The following EIF2S2 variants were observed in gnomAD, a reference collection of about 807,000 sequenced individuals.
EIF2S2 encodes the protein eukaryotic translation initiation factor 2 subunit 2.
Under a neutral mutation model 44.0 loss-of-function variants are expected in EIF2S2, and 4 were observed. The observed-to-expected ratio is 0.09, with a 90% confidence interval of 0.04 to 0.21. The LOEUF is 0.21. Ranked by LOEUF, EIF2S2 falls within the 10% of genes least tolerant of loss-of-function variation. The pLI is 1.00. For synonymous variants in EIF2S2, 108 were observed against 128.3 expected (o/e 0.84, Z 1.07); for missense variants, 154 against 392.0 (o/e 0.39, Z 5.13).
intron 1 of EIF2S2, 111 bp downstream of exon 1, chr20:34,111,985 G>T: frequency 8.3e-7 from 1 of 1,209,150 alleles, no homozygotes; most frequent in South Asian, 3.0e-5. Context: ...AGGCGCGGCT[G>T]CCTCACATGG....
intron 2 of EIF2S2, among the ~76,000 whole-genome samples, chr20:34,104,435 C>A (rs982759043): frequency 6.6e-6 from 1 of 152,216 alleles, no homozygotes; most frequent in African/African-American, 2.4e-5. Flanking sequence ...CTTACTCCAA[C>A]TGAGGTACTT....
At chr20:34,091,776 TGGGGG>T (rs1555812046) in intron 7 of EIF2S2, among the ~76,000 whole-genome samples, 1 of 95,812 alleles carries the variant, frequency 1.0e-5, no homozygotes, top group African/African-American at 3.6e-5. Flanking sequence ...TTTATTTTTT[TGGGGG>T]GGGGGGGTCC....
intron 8 of EIF2S2, among the ~76,000 whole-genome samples, 196 bp downstream of exon 8, chr20:34,090,321 T>G (rs971650983): frequency 6.6e-6 from 1 of 152,258 alleles, no homozygotes; most frequent in South Asian, 2.1e-4. Flanking sequence ...CTGGGCTTTC[T>G]TTAAAAATCC....
chr20:34,109,648 G>A lies in EIF2S2; in HGVS notation c.15+2448C>T, dbSNP rs184628152. 2.1e-3 allele frequency among the ~76,000 whole-genome samples: 319 copies of A among 151,998 alleles called. 3 individuals carry two copies. Among genetic ancestry groups the A allele is most frequent in the African/African-American group, 7.0e-3 (290 of 41,436 alleles). ...GCACTCCAGCCTGGGAAACAAGAGC[G>A]AGACCCTGTCTCTAAAAAAACAAAA... is the stretch of plus-strand genomic sequence containing the variant. On this transcript the variant is annotated intron_variant, in intron 1 of 8. Coordinates refer to ENST00000374980, the MANE Select transcript of EIF2S2 (RefSeq NM_003908.5).
chr20:34,090,416 C>A, intron 8 of EIF2S2, 101 bp downstream of exon 8: 1 of 694,990 alleles, frequency 1.4e-6, no homozygotes. Flanking sequence ...TTTTTAAGGC[C>A]AGCTTTTCCC....
chr20:34,100,729 C>G (rs1268348768), intron 3 of EIF2S2, among the ~76,000 whole-genome samples: 2 of 152,052 alleles, frequency 1.3e-5, no homozygotes, highest in Admixed American at 6.5e-5. Flanking sequence ...ATGACATTAT[C>G]AAAGAGGGAA....
intron 1 of EIF2S2, among the ~76,000 whole-genome samples, chr20:34,110,038 C>T (rs1421042463): frequency 7.2e-6 from 1 of 138,934 alleles, no homozygotes; most frequent in African/African-American, 2.7e-5. Context: ...GAGGCGGTTG[C>T]GGTGAGCCGA....
In EIF2S2 at chr20:34,093,769, A is replaced by G. The variant is rs1441333626; in HGVS notation, c.684-38T>C. 7 of 1,534,124 alleles carry G rather than the reference A, an allele frequency of 4.6e-6. No individual in the cohort carries two copies. The Admixed American group carries it at 1.1e-4, about 25-fold the overall frequency. ...TCAAAATATATAAACCTTATCTCTCATGGAAATCTCACCAAACTTCTAAAA... is the reference window on the plus strand; with the variant it reads ...TCAAAATATATAAACCTTATCTCTCGTGGAAATCTCACCAAACTTCTAAAA... On this transcript the variant is annotated intron_variant, in intron 6 of 8. Coordinates refer to ENST00000374980, the MANE Select transcript of EIF2S2 (RefSeq NM_003908.5).
At chr20:34,095,838 C>T (rs912412576) in intron 6 of EIF2S2, among the ~76,000 whole-genome samples, 1 of 152,114 alleles carries the variant, frequency 6.6e-6, no homozygotes, top group African/African-American at 2.4e-5. Context: ...CTACAACAAG[C>T]ATGTAGCACT....
At position 34,107,811 on chromosome 20, in the gene EIF2S2, T is replaced by C. The variant is rs552275793; in HGVS notation, c.16-2266A>G. The stretch of plus-strand genomic sequence containing the variant: ...CCAGTAGAGAAGTATGGTATTTGCA[T>C]AGCATTTTCAAAGTTAGTCTTTTCT... On this transcript the variant is annotated intron_variant, in intron 1 of 8. Transcript: ENST00000374980. Among the ~76,000 whole-genome samples, 249 of 152,338 alleles carry C rather than the reference T, an allele frequency of 1.6e-3. 1 individual carries two copies. The highest frequency in any genetic ancestry group is 3.3e-3 in the South Asian group (16 of 4,832).
rs930579911 is a variant in EIF2S2 at position 34,101,364 on chromosome 20, A to C, written c.297+2098T>G. ...AAGCTGAGGGACGCTTGAGCCCAGGAGACGGAGGTTGCAGTGAACCGAGAT... is the reference window on the plus strand; with the variant it reads ...AAGCTGAGGGACGCTTGAGCCCAGGCGACGGAGGTTGCAGTGAACCGAGAT... On this transcript the variant is annotated intron_variant, in intron 3 of 8. Transcript: ENST00000374980. Among the ~76,000 whole-genome samples the C allele has an allele frequency of 5.9e-5, 9 of 152,284 alleles. No individual in the cohort carries two copies. The South Asian group carries it at 1.0e-3, about 18-fold the overall frequency.
Position 34,096,809 on chromosome 20 carries a change from T to C in EIF2S2, c.535-4A>G, listed in dbSNP as rs1474954125. The C allele has an allele frequency of 5.0e-6, 8 of 1,602,940 alleles. No homozygotes were observed. Among genetic ancestry groups the C allele is most frequent in the Non-Finnish European group, 5.9e-6 (7 of 1,176,876 alleles). ...TGTTGAACACTCGATTCAGCAGCTA[T>C]AAAAATAAAGTGGTATTCATGAATA... On this transcript the variant is annotated splice_polypyrimidine_tract_variant and splice_region_variant and intron_variant, in intron 5 of 8. Coordinates refer to ENST00000374980, the MANE Select transcript of EIF2S2 (RefSeq NM_003908.5).
At chr20:34,089,963 C>G (rs949898004) in intron 8 of EIF2S2, 58 bp from the exon 9 acceptor site, 6 of 1,585,632 alleles carry the variant, frequency 3.8e-6, no homozygotes, top group Non-Finnish European at 5.2e-6. Context: ...AGAGAAGTTT[C>G]TGCCTTCTTA....
intron 3 of EIF2S2, among the ~76,000 whole-genome samples, chr20:34,100,280 G>T (rs2034280428): frequency 6.6e-6 from 1 of 152,182 alleles, no homozygotes; most frequent in Non-Finnish European, 1.5e-5. Context: ...CTCCCAAAGT[G>T]CTGGGATTAT....
chr20:34,105,918 AT>A (rs939191855), intron 1 of EIF2S2, among the ~76,000 whole-genome samples: 3 of 151,964 alleles, frequency 2.0e-5, no homozygotes, highest in Non-Finnish European at 4.4e-5. Context: ...CGGGGTGTAA[AT>A]TTTTTTGTAT....
At chr20:34,097,332 C>T (rs1053989459) in intron 5 of EIF2S2, 84 bp downstream of exon 5, 82 of 1,167,054 alleles carry the variant, frequency 7.0e-5, no homozygotes, top group African/African-American at 4.9e-4. Flanking sequence ...ATTACTTCAA[C>T]GGCCGTTCCA....
intron 1 of EIF2S2, among the ~76,000 whole-genome samples, chr20:34,109,188 T>G (rs1341428886): frequency 1.3e-5 from 2 of 152,178 alleles, no homozygotes; most frequent in African/African-American, 4.8e-5. Flanking sequence ...TTTTTTTAAT[T>G]TAAAGCTTCT....
chr20:34,110,423 T>C (rs1199641444), intron 1 of EIF2S2, among the ~76,000 whole-genome samples: 5 of 152,336 alleles, frequency 3.3e-5, no homozygotes, highest in Admixed American at 6.5e-5. Flanking sequence ...GTTCTTGTCC[T>C]ACTAACTTTC....
intron 3 of EIF2S2, among the ~76,000 whole-genome samples, chr20:34,099,373 A>G (rs565218554): frequency 1.3e-5 from 2 of 152,318 alleles, no homozygotes; most frequent in African/African-American, 4.8e-5. Flanking sequence ...AAAAAAAAAA[A>G]AAGAATCACT....
Sources: gnomAD v4.1 joint callset for allele counts (sites outside exome capture counted in the v4.1 genomes callset) on GRCh38, gnomAD v4.1.1 for gene constraint, MANE v1.5 for transcripts, NCBI Gene and HGNC (gene_info 2026-07-23, HGNC 2026-07-21) for gene names.